Variants in DLGAP1 observed in about 807,000 individuals in gnomAD.
DLGAP1 encodes disks large-associated protein 1.
A neutral mutation model predicts 90.8 loss-of-function variants in DLGAP1; 11 were observed. That is an observed-to-expected ratio of 0.12 (90% CI 0.08 to 0.20). DLGAP1 has a LOEUF of 0.20. Among genes scored for constraint, DLGAP1 ranks in the 10% least tolerant of loss-of-function variants. The pLI, the probability that DLGAP1 is intolerant of heterozygous loss-of-function variation, is 1.00. For missense variants in DLGAP1, 1,050 were observed against 1,333.8 expected, an observed-to-expected ratio of 0.79 and a Z score of 3.31; for synonymous variants, 558 against 540.7, an observed-to-expected ratio of 1.03 and a Z score of -0.44.
intron 6 of DLGAP1, among the ~76,000 whole-genome samples, chr18:3,740,806 C>T (rs61400856): frequency 0.022 from 3,300 of 150,530 alleles, 127 homozygotes; most frequent in African/African-American, 0.075. Context: ...TAACCACCAC[C>T]GCCACCACTG....
rs2082050456 is a variant in DLGAP1, at chr18:4,378,138, TTATATA to T, written c.-267+76862_-267+76867del. Among the ~76,000 whole-genome samples the T allele has an allele frequency of 6.7e-6, 1 of 149,060 alleles. No homozygotes were observed. Among genetic ancestry groups the T allele is most frequent in the South Asian group, 2.1e-4 (1 of 4,788 alleles). On this transcript the variant is annotated intron_variant, in intron 1 of 12. Coordinates refer to ENST00000315677, the MANE Select transcript of DLGAP1 (RefSeq NM_004746.4). This position sits in a 1 kb window ranked among gnomAD's most constrained non-coding sequence, Gnocchi z 4.5. ...AGAAATATTGTATATAAAATTTATA[TTATATA>T]TATTTGAAAAAAGTCTGCAAAGATA... is the stretch of plus-strand genomic sequence containing the variant.
In DLGAP1 at chr18:4,297,146, C is replaced by T. The variant is rs904785196; in HGVS notation, c.-266-145859G>A. 3.3e-5 allele frequency among the ~76,000 whole-genome samples: 5 copies of T among 152,178 alleles called. No homozygotes were observed. The East Asian group carries it at 9.7e-4, about 29-fold the overall frequency. ...TAAATTTTGTTTTTATCTTCAACAA[C>T]AGTATAAGGAAGATATGCCAATTTT... On this transcript the variant is annotated intron_variant, in intron 1 of 12. Coordinates refer to ENST00000315677, the MANE Select transcript of DLGAP1 (RefSeq NM_004746.4).
rs188443957 is a variant in DLGAP1 at position 4,451,468 on chromosome 18, T to C, written c.-267+3538A>G. Among the ~76,000 whole-genome samples, 3 of 152,228 alleles carry C rather than the reference T, an allele frequency of 2.0e-5. No homozygotes were observed. In the East Asian group the frequency reaches 5.8e-4, roughly 29 times the overall value. ...TCTCATACAATCGGTTATCTGTGGG[T>C]GTCTAATAGATTAAAATGAATGTCA... On this transcript the variant is annotated intron_variant, in intron 1 of 12. Coordinates refer to ENST00000315677, the MANE Select transcript of DLGAP1 (RefSeq NM_004746.4).
At chr18:4,395,921 C>T (rs1221850492) in intron 1 of DLGAP1, among the ~76,000 whole-genome samples, 1 of 152,188 alleles carries the variant, frequency 6.6e-6, no homozygotes, top group Non-Finnish European at 1.5e-5. Flanking sequence ...CATTCTGACA[C>T]TAGACCATGG....
At position 3,879,847 on chromosome 18, in the gene DLGAP1, G is replaced by C; in HGVS notation, c.222C>G (p.His74Gln). ...CCTTCAGCTCTTGCTGCGAGGTGTAGTGCCTGCGGGGGAAGGTGCTGCTGG... is the reference window on the plus strand; with the variant it reads ...CCTTCAGCTCTTGCTGCGAGGTGTACTGCCTGCGGGGGAAGGTGCTGCTGG... ...PLASSTFPRR[H>Q]YTSQQELKDE... The change falls in exon 4 of 13, where the codon CAC becomes CAG. Residue 74 changes from histidine (H) to glutamine (Q), a missense_variant. Physicochemically the swap from His to Gln is conservative, Grantham distance 24. Transcript: ENST00000315677. This position sits in a 1 kb window ranked among gnomAD's most constrained non-coding sequence, Gnocchi z 6.6. 6.2e-7 allele frequency: 1 copy of C among 1,609,942 alleles called. No individual in the cohort carries two copies. The highest frequency in any genetic ancestry group is 1.7e-4 in the Middle Eastern group (1 of 6,060).
chr18:3,956,010 C>T (rs2148973823), intron 3 of DLGAP1, among the ~76,000 whole-genome samples: 1 of 152,156 alleles, frequency 6.6e-6, no homozygotes, highest in East Asian at 1.9e-4. Flanking sequence ...CTGAAAGGGA[C>T]ATAAGAAGAA....
chr18:3,573,580 T>C (rs1031344195), intron 8 of DLGAP1, among the ~76,000 whole-genome samples: 12 of 152,220 alleles, frequency 7.9e-5, no homozygotes, highest in African/African-American at 2.7e-4. Flanking sequence ...TTCATGAATG[T>C]TGAGAAAACC....
At chr18:3,529,213 T>G (rs2051836949) in intron 10 of DLGAP1, among the ~76,000 whole-genome samples, 1 of 152,182 alleles carries the variant, frequency 6.6e-6, no homozygotes, top group South Asian at 2.1e-4. Context: ...GGCAGAGTCC[T>G]CATGAATAGG....
In DLGAP1 at chr18:3,714,036, C is replaced by T. The variant is rs144720212; in HGVS notation, c.1591+15099G>A. On this transcript the variant is annotated intron_variant, in intron 7 of 12. Transcript: ENST00000315677. The stretch of plus-strand genomic sequence containing the variant: ...TTGATCAACCAATTCTGTTCCAATG[C>T]TTCTGGAGGTACGGTGTTAACATCA... Among the ~76,000 whole-genome samples, 990 of 152,272 alleles carry T rather than the reference C, an allele frequency of 6.5e-3. 35 individuals carry two copies. The highest frequency in any genetic ancestry group is 0.057 in the Admixed American group (878 of 15,294).
chr18:3,777,072 C>CTTT (rs2064971843), intron 5 of DLGAP1, among the ~76,000 whole-genome samples: 1 of 152,170 alleles, frequency 6.6e-6, no homozygotes, highest in African/African-American at 2.4e-5. Flanking sequence ...TAGGCGTGAG[C>CTTT]TTTTGCACCT....
At chr18:3,709,990 T>C (rs1567995559) in intron 7 of DLGAP1, among the ~76,000 whole-genome samples, 1 of 152,174 alleles carries the variant, frequency 6.6e-6, no homozygotes, top group Admixed American at 6.5e-5. Context: ...CTATAGAAGA[T>C]GAATTACTGC....
chr18:4,261,168 A>G (rs1212923942), intron 1 of DLGAP1, among the ~76,000 whole-genome samples: 1 of 152,182 alleles, frequency 6.6e-6, no homozygotes, highest in African/African-American at 2.4e-5. Flanking sequence ...AAAATATGTC[A>G]CAGAGGAGAG....
intron 3 of DLGAP1, among the ~76,000 whole-genome samples, chr18:3,997,030 C>CTTTTT (rs5822780): frequency 2.3e-5 from 2 of 85,956 alleles, no homozygotes; most frequent in African/African-American, 5.0e-5. Context: ...GCAGAGTTTT[C>CTTTTT]TTTTTTTTTT....
At chr18:4,165,441 T>C (rs902066878) in intron 1 of DLGAP1, among the ~76,000 whole-genome samples, 1 of 152,204 alleles carries the variant, frequency 6.6e-6, no homozygotes, top group Non-Finnish European at 1.5e-5. Context: ...TAGAAAAGTC[T>C]GTCACTACCC....
intron 8 of DLGAP1, among the ~76,000 whole-genome samples, chr18:3,569,053 A>C (rs908463273): frequency 7.3e-5 from 11 of 151,088 alleles, no homozygotes; most frequent in African/African-American, 2.7e-4. Context: ...CCCAGGCTAG[A>C]GTGCAGTGGC....
Position 4,040,246 on chromosome 18 carries a change from T to C in DLGAP1, c.-158-35045A>G, listed in dbSNP as rs77895138. On this transcript the variant is annotated intron_variant, in intron 2 of 12. Transcript: ENST00000315677. Reference sequence around the variant, plus strand: ...ATCTATCAAATGGAGGTAAAAATATTACCTCACATGTAGTTGTGAGGATTA... The same window carrying C: ...ATCTATCAAATGGAGGTAAAAATATCACCTCACATGTAGTTGTGAGGATTA... Among the ~76,000 whole-genome samples, 11 of 152,314 alleles carry C rather than the reference T, an allele frequency of 7.2e-5. No individual in the cohort carries two copies. In the East Asian group the frequency reaches 1.7e-3, roughly 24 times the overall value.
intron 2 of DLGAP1, among the ~76,000 whole-genome samples, chr18:4,077,421 G>A (rs1417203264): frequency 2.0e-5 from 3 of 152,174 alleles, no homozygotes; most frequent in Non-Finnish European, 4.4e-5. Flanking sequence ...CAGTGTCAGA[G>A]GTGGTGCTCA....
chr18:3,905,520 AC>A (rs1229406725), intron 3 of DLGAP1, among the ~76,000 whole-genome samples: 3 of 152,086 alleles, frequency 2.0e-5, no homozygotes, highest in Admixed American at 6.6e-5. Flanking sequence ...GGTATTCATT[AC>A]TTGGTAACAA....
intron 7 of DLGAP1, chr18:3,606,426 C>G (rs1410776200): frequency 1.3e-5 from 2 of 149,750 alleles, no homozygotes; most frequent in African/African-American, 5.0e-5. Flanking sequence ...GTAAGTCAAA[C>G]AGAAATACAA....
Sources: gnomAD v4.1 joint callset for allele counts (sites outside exome capture counted in the v4.1 genomes callset) on GRCh38, gnomAD v4.1.1 for gene constraint, Gnocchi (gnomAD v3.1) non-coding constraint, MANE v1.5 for transcripts, NCBI Gene and HGNC (gene_info 2026-07-23, HGNC 2026-07-21) for gene names.